Variants in TMEM132C observed in about 807,000 individuals in gnomAD.
TMEM132C encodes transmembrane protein 132C.
In TMEM132C, 29 loss-of-function variants were observed where a neutral mutation model predicts 61.4. The observed-to-expected ratio is 0.47, with a 90% CI of 0.35 to 0.64. The LOEUF (loss-of-function observed/expected upper bound fraction) is 0.64. Among genes scored for constraint, TMEM132C ranks in the 30% least tolerant of loss-of-function variants. The pLI, the probability that TMEM132C is intolerant of heterozygous loss-of-function variation, is 0.00. For missense variants in TMEM132C, 1,408 were observed against 1,476.9 expected (o/e 0.95, Z 0.76); for synonymous variants, 656 against 633.1 (o/e 1.04, Z -0.54).
intron 2 of TMEM132C, among the ~76,000 whole-genome samples, chr12:128,524,065 A>G (rs1419111454): frequency 1.3e-5 from 2 of 150,730 alleles, no homozygotes; most frequent in Non-Finnish European, 2.9e-5. Context: ...TTTCTGAACC[A>G]ATTTCCGTGG....
chr12:128,622,360 A>AAAAAAATATATAT (rs1277080166), intron 4 of TMEM132C, among the ~76,000 whole-genome samples: 2 of 30,122 alleles, frequency 6.6e-5, no homozygotes, highest in African/African-American at 1.6e-4. Flanking sequence ...AAAAAAAAAA[A>AAAAAAATATATAT]ATATATATAT....
At chr12:128,573,299 G>T (rs1375376955) in intron 3 of TMEM132C, among the ~76,000 whole-genome samples, 1 of 152,154 alleles carries the variant, frequency 6.6e-6, no homozygotes, top group East Asian at 1.9e-4. Flanking sequence ...CATGTCCTTT[G>T]TAGGGACATG....
Position 128,641,383 on chromosome 12 carries a change from C to A in TMEM132C, c.1305+25048C>A, listed in dbSNP as rs1954156969. The stretch of plus-strand genomic sequence containing the variant: ...AACACCACGTACCTGTAAATATGAC[C>A]TTGCTTGGAAATAGGGTCTTTGCCG... On this transcript the variant is annotated intron_variant, in intron 4 of 8. Coordinates refer to ENST00000435159, the MANE Select transcript of TMEM132C (RefSeq NM_001136103.3). 2.0e-5 allele frequency among the ~76,000 whole-genome samples: 3 copies of A among 152,286 alleles called. No homozygotes were observed. The South Asian group carries it at 6.2e-4, about 32-fold the overall frequency.
rs78574187 is a variant in TMEM132C at position 128,658,840 on chromosome 12, A to T, written c.1306-10577A>T. ...ATTATCAAGATGCAAATCTATGCCA[A>T]GTTGAGCAAAGGGTGCAGGCTTTTA... On this transcript the variant is annotated intron_variant, in intron 4 of 8. Coordinates refer to ENST00000435159, the MANE Select transcript of TMEM132C (RefSeq NM_001136103.3). Among the ~76,000 whole-genome samples, 24 of 152,372 alleles carry T rather than the reference A, an allele frequency of 1.6e-4. No individual in the cohort carries two copies. The East Asian group carries it at 3.3e-3, about 21-fold the overall frequency.
intron 2 of TMEM132C, among the ~76,000 whole-genome samples, chr12:128,541,727 A>T (rs1873760648): frequency 6.6e-6 from 1 of 152,180 alleles, no homozygotes; most frequent in Non-Finnish European, 1.5e-5. Flanking sequence ...CCTCAACTGC[A>T]CTTGCTGACT....
At chr12:128,622,360 A>AAAAATAT (rs1277080166) in intron 4 of TMEM132C, among the ~76,000 whole-genome samples, 38 of 30,072 alleles carry the variant, frequency 1.3e-3, no homozygotes, top group African/African-American at 4.5e-3. Flanking sequence ...AAAAAAAAAA[A>AAAAATAT]ATATATATAT....
At chr12:128,588,692 A>G (rs1488163771) in intron 3 of TMEM132C, among the ~76,000 whole-genome samples, 2 of 152,170 alleles carry the variant, frequency 1.3e-5, no homozygotes, top group Non-Finnish European at 2.9e-5. Context: ...TCACGCCTTA[A>G]TAAAAGAGGC....
chr12:128,588,042 A>T (rs986466123), intron 3 of TMEM132C, among the ~76,000 whole-genome samples: 3 of 152,166 alleles, frequency 2.0e-5, no homozygotes, highest in Non-Finnish European at 4.4e-5. Context: ...TTCTTGTAAC[A>T]CCCTAGGACA....
intron 3 of TMEM132C, among the ~76,000 whole-genome samples, chr12:128,552,291 C>A (rs1426783822): frequency 6.6e-6 from 1 of 152,192 alleles, no homozygotes; most frequent in Non-Finnish European, 1.5e-5. Context: ...ACATAGAAAA[C>A]CATAATATTC....
chr12:128,486,372 A>G (rs1237617504), intron 2 of TMEM132C, among the ~76,000 whole-genome samples: 1 of 152,126 alleles, frequency 6.6e-6, no homozygotes, highest in African/African-American at 2.4e-5. Flanking sequence ...TCTCAATAAT[A>G]GGAAAAGTAA....
At chr12:128,293,427 T>C (rs1308276595) in intron 1 of TMEM132C, among the ~76,000 whole-genome samples, 2 of 152,120 alleles carry the variant, frequency 1.3e-5, no homozygotes, top group Admixed American at 6.5e-5. Flanking sequence ...ACACCACCCA[T>C]CGGGAGGCCA....
At chr12:128,410,950 T>G (rs1287834907) in intron 1 of TMEM132C, among the ~76,000 whole-genome samples, 1 of 152,230 alleles carries the variant, frequency 6.6e-6, no homozygotes, top group African/African-American at 2.4e-5. Flanking sequence ...AACTTTCTTC[T>G]TAATTCATGA....
chr12:128,706,321 C>A lies in TMEM132C; in HGVS notation c.*26C>A. ...GCCCCTCTAGCCAAAGGGCCCTGCC[C>A]AGATGCCTTCCTTGTACTGGAAACT... On this transcript the variant is annotated 3_prime_UTR_variant, in exon 9 of 9. Coordinates refer to ENST00000435159, the MANE Select transcript of TMEM132C (RefSeq NM_001136103.3). 6.8e-7 allele frequency: 1 copy of A among 1,479,248 alleles called. No individual in the cohort carries two copies. Among genetic ancestry groups the A allele is most frequent in the Non-Finnish European group, 9.0e-7 (1 of 1,115,570 alleles). 91.6% of individuals were successfully genotyped at this position (1,479,248 alleles called of 1,614,324 possible). A position where few individuals can be genotyped will look rare whatever the true frequency, so the allele number is the denominator to read the frequency against.
intron 4 of TMEM132C, among the ~76,000 whole-genome samples, chr12:128,647,818 C>T (rs1454788385): frequency 1.6e-4 from 24 of 148,688 alleles, no homozygotes; most frequent in Non-Finnish European, 2.2e-4. Context: ...TGGAGTCCAT[C>T]GGCATTTGAT....
At chr12:128,320,259 CTT>C (rs946377204) in intron 1 of TMEM132C, among the ~76,000 whole-genome samples, 2 of 150,594 alleles carry the variant, frequency 1.3e-5, no homozygotes, top group African/African-American at 4.9e-5. Context: ...CTTTCTTTTT[CTT>C]TTTTTTTGCA....
At chr12:128,423,099 A>G (rs1869047359) in intron 2 of TMEM132C, among the ~76,000 whole-genome samples, 1 of 152,238 alleles carries the variant, frequency 6.6e-6, no homozygotes, top group Non-Finnish European at 1.5e-5. Context: ...GAAGTTAAAC[A>G]CTGTGAAATA....
At chr12:128,647,465 C>T (rs1954216510) in intron 4 of TMEM132C, among the ~76,000 whole-genome samples, 1 of 149,728 alleles carries the variant, frequency 6.7e-6, no homozygotes, top group African/African-American at 2.5e-5. Context: ...TACTAGAGTC[C>T]ATCAGCATTG....
intron 1 of TMEM132C, among the ~76,000 whole-genome samples, chr12:128,373,319 A>C (rs1287165160): frequency 6.6e-6 from 1 of 152,116 alleles, no homozygotes; most frequent in Non-Finnish European, 1.5e-5. Flanking sequence ...CTTTCCACCA[A>C]AACAGATATC....
intron 2 of TMEM132C, among the ~76,000 whole-genome samples, chr12:128,434,284 T>C (rs1004197123): frequency 1.3e-5 from 2 of 152,218 alleles, no homozygotes; most frequent in African/African-American, 4.8e-5. Context: ...ATTCAGTGTA[T>C]GTGGAAACCC....
Sources: gnomAD v4.1 joint callset for allele counts (sites outside exome capture counted in the v4.1 genomes callset) on GRCh38, gnomAD v4.1.1 for gene constraint, MANE v1.5 for transcripts, NCBI Gene and HGNC (gene_info 2026-07-23, HGNC 2026-07-21) for gene names.